UPF1: variants seen among roughly 807,000 people sequenced by gnomAD.
UPF1 encodes the protein regulator of nonsense transcripts 1.
In UPF1, 9 loss-of-function variants were observed where a neutral mutation model predicts 129.2. The observed-to-expected ratio is 0.07, with a 90% confidence interval of 0.04 to 0.12. The LOEUF is 0.12. Among genes scored for constraint, UPF1 ranks in the 10% least tolerant of loss-of-function variants. The probability of loss-of-function intolerance (pLI) is 1.00; values close to 1 mark genes in which losing one functional copy is unlikely to be tolerated. For synonymous variants in UPF1, 649 were observed against 644.9 expected (o/e 1.01, Z -0.10); for missense variants, 788 against 1,525.3 (o/e 0.52, Z 8.05).
At chr19:18,859,971 C>T (rs11669119) in intron 15 of UPF1, 6,455 of 215,638 alleles carry the variant, frequency 0.03, 137 homozygotes, top group East Asian at 0.093. Flanking sequence ...GGGGCTGTGG[C>T]GCCTTTAAGG....
intron 3 of UPF1, chr19:18,849,065 G>A (rs1254354871): frequency 6.6e-6 from 1 of 152,394 alleles, no homozygotes; most frequent in East Asian, 1.9e-4. Context: ...TAGGGATCTT[G>A]GCTGTGACAG....
intron 20 of UPF1, among the ~76,000 whole-genome samples, chr19:18,864,487 TC>T (rs1335585871): frequency 6.6e-5 from 10 of 152,294 alleles, no homozygotes; most frequent in African/African-American, 2.2e-4. Context: ...GTTAGCTTTT[TC>T]TTGCCTTTTG....
At position 18,866,786 on chromosome 19, in the gene UPF1, G is replaced by C. The variant is rs1227776696; in HGVS notation, c.*269G>C. 6.6e-6 allele frequency: 1 copy of C among 152,598 alleles called. No individual in the cohort carries two copies. Among genetic ancestry groups the C allele is most frequent in the African/African-American group, 2.4e-5 (1 of 41,478 alleles). The allele number at this position is 152,598 out of a possible 1,614,324, so 9.5% of individuals were successfully genotyped here. On this transcript the variant is annotated 3_prime_UTR_variant, in exon 24 of 24. Coordinates refer to ENST00000262803, the MANE Select transcript of UPF1 (RefSeq NM_002911.4). ...AGGAGGCCCCGCTCCGTCCCATCGGGGCTGCGGCCAGGGCGGAGGGAGGAA... is the reference window on the plus strand; with the variant it reads ...AGGAGGCCCCGCTCCGTCCCATCGGCGCTGCGGCCAGGGCGGAGGGAGGAA...
At position 18,866,080 on chromosome 19, in the gene UPF1, G is replaced by A; in HGVS notation, c.3274G>A (p.Asp1092Asn). Reference sequence around the variant, plus strand: ...TGGTGACGAGTTTAAATCACAAATCGACGTGGCGCTCTCACAGGACTCCAC... The same window carrying A: ...TGGTGACGAGTTTAAATCACAAATCAACGTGGCGCTCTCACAGGACTCCAC... ...YLGDEFKSQIDVALSQDSTYQ... is the reference protein window; with the variant it reads ...YLGDEFKSQINVALSQDSTYQ... Residue 1092 changes from aspartate (D) to asparagine (N), a missense_variant, in exon 23 of 24, where the codon GAC becomes AAC. Transcript: ENST00000262803. The A allele has an allele frequency of 6.2e-7, 1 of 1,613,350 alleles. No homozygotes were observed. The highest frequency in any genetic ancestry group is 8.5e-7 in the Non-Finnish European group (1 of 1,179,856).
intron 2 of UPF1, among the ~76,000 whole-genome samples, chr19:18,846,346 G>T (rs527536945): frequency 6.6e-6 from 1 of 152,336 alleles, no homozygotes; most frequent in African/African-American, 2.4e-5. Context: ...TCACCAGCTG[G>T]TGGGAAAAGT....
intron 2 of UPF1, 82 bp from the exon 3 acceptor site, chr19:18,847,662 A>G (rs2145946653): frequency 1.5e-6 from 2 of 1,345,240 alleles, no homozygotes; most frequent in South Asian, 1.2e-5. Flanking sequence ...AAATGTTGTC[A>G]GAGGAAAGAA....
At chr19:18,862,178 G>T in intron 18 of UPF1, 26 bp downstream of exon 18, 1 of 1,608,980 alleles carries the variant, frequency 6.2e-7, no homozygotes, top group Non-Finnish European at 8.5e-7. Flanking sequence ...GCTGCATGCT[G>T]CCCAGCCGCT....
intron 1 of UPF1, among the ~76,000 whole-genome samples, chr19:18,840,605 G>A (rs1345308574): frequency 2.0e-5 from 3 of 152,200 alleles, no homozygotes; most frequent in Non-Finnish European, 2.9e-5. Flanking sequence ...TGTGCTCTGT[G>A]GCATTCAGGG....
At position 18,855,157 on chromosome 19, in the gene UPF1, C is replaced by G; in HGVS notation, c.1459C>G (p.Leu487Val). Residue 487 changes from leucine to valine, a missense_variant, in exon 11 of 24, where the codon CTG becomes GTG. Coordinates refer to ENST00000262803, the MANE Select transcript of UPF1 (RefSeq NM_002911.4). Reference sequence around the variant, plus strand: ...CGTGAAGACTGTGCTGCAAAGACCACTGAGCCTGATCCAGGGCCCGCCAGG... The same window carrying G: ...CGTGAAGACTGTGCTGCAAAGACCAGTGAGCCTGATCCAGGGCCCGCCAGG... Reference protein sequence around the residue: ...YAVKTVLQRPLSLIQGPPGTG... With the variant: ...YAVKTVLQRPVSLIQGPPGTG... 2 of 1,613,924 alleles carry G rather than the reference C, an allele frequency of 1.2e-6. No individual in the cohort carries two copies. The highest frequency in any genetic ancestry group is 1.7e-6 in the Non-Finnish European group (2 of 1,179,998).
Position 18,832,030 on chromosome 19 carries a change from C to A in UPF1, c.-180C>A. 2.4e-6 allele frequency: 1 copy of A among 419,182 alleles called. No homozygotes were observed. The highest frequency in any genetic ancestry group is 3.8e-6 in the Non-Finnish European group (1 of 260,180). The allele number at this position is 419,182 out of a possible 1,614,324, so 26.0% of individuals were successfully genotyped here. ...GAGGCGCGGAGGGGCTCGGCGGCAG[C>A]GGCGGCGGCTCGGCACTGTTACCTC... On this transcript the variant is annotated 5_prime_UTR_variant, in exon 1 of 24. Transcript: ENST00000262803. This position sits in a 1 kb window ranked among gnomAD's most constrained non-coding sequence, Gnocchi z 5.6.
rs780928893 is a variant in UPF1 at position 18,850,183 on chromosome 19, C to T, written c.570C>T (p.Asn190=). ...VLECYNCGCR[N]VFLLGFIPAK... is the part of the protein sequence containing the mutation. ...AGTGCTACAACTGCGGCTGTCGCAA[C>T]GTCTTCCTCCTCGGCTTCATCCCGG... is the stretch of plus-strand genomic sequence containing the variant. Residue 190 remains asparagine, a synonymous_variant, in exon 4 of 24, where the codon AAC becomes AAT. Transcript: ENST00000262803. This position sits in a 1 kb window ranked among gnomAD's most constrained non-coding sequence, Gnocchi z 7.1. 7 of 1,613,792 alleles carry T rather than the reference C, an allele frequency of 4.3e-6. No homozygotes were observed. In the Admixed American group the frequency reaches 5.0e-5, roughly 12 times the overall value.
intron 1 of UPF1, among the ~76,000 whole-genome samples, chr19:18,843,607 C>T (rs2055565389): frequency 6.7e-6 from 1 of 148,724 alleles, no homozygotes; most frequent in Non-Finnish European, 1.5e-5. Context: ...CAACCTCCGC[C>T]TCCTGGGTTC....
Position 18,855,700 on chromosome 19 carries a change from T to C in UPF1, c.1545-225T>C, listed in dbSNP as rs2055709513. 7 of 603,566 alleles carry C rather than the reference T, an allele frequency of 1.2e-5. No homozygotes were observed. In the South Asian group the frequency reaches 1.5e-4, roughly 13 times the overall value. 37.4% of individuals were successfully genotyped at this position (603,566 alleles called of 1,614,324 possible). A position where few individuals can be genotyped will look rare whatever the true frequency, so the allele number is the denominator to read the frequency against. ...CTCTACAAAAAAAAAATTCAGAAAT[T>C]AGCTGGGGGTAGTGGCGTGCACCTG... On this transcript the variant is annotated intron_variant, in intron 11 of 23. Transcript: ENST00000262803.
chr19:18,855,640 A>G (rs2055708895), intron 11 of UPF1: 11 of 508,734 alleles, frequency 2.2e-5, no homozygotes, highest in Non-Finnish European at 3.8e-5. Context: ...TAAAAATGTC[A>G]GGAGTTTAAG....
intron 9 of UPF1, 44 bp from the exon 10 acceptor site, chr19:18,854,835 C>A (rs547167197): frequency 6.2e-7 from 1 of 1,608,712 alleles, no homozygotes; most frequent in South Asian, 1.1e-5. Context: ...GTCGGAGAGG[C>A]GGCCACAGCT....
Position 18,832,012 on chromosome 19 carries a change from G to A in UPF1, c.-198G>A. The A allele has an allele frequency of 2.8e-6, 1 of 361,200 alleles. No homozygotes were observed. Among genetic ancestry groups the A allele is most frequent in the East Asian group, 4.8e-5 (1 of 20,648 alleles). The allele number at this position is 361,200 out of a possible 1,614,324, so 22.4% of individuals were successfully genotyped here. A position where few individuals can be genotyped will look rare whatever the true frequency, so the allele number is the denominator to read the frequency against. ...GCGGCTTCGAGGGGAGCTGAGGCGC[G>A]GAGGGGCTCGGCGGCAGCGGCGGCG... On this transcript the variant is annotated 5_prime_UTR_variant, in exon 1 of 24. Transcript: ENST00000262803. This position sits in a 1 kb window ranked among gnomAD's most constrained non-coding sequence, Gnocchi z 5.6.
At position 18,846,594 on chromosome 19, in the gene UPF1, G is replaced by A. The variant is rs568875238; in HGVS notation, c.371+475G>A. Among the ~76,000 whole-genome samples the A allele has an allele frequency of 2.0e-5, 3 of 152,252 alleles. No homozygotes were observed. The South Asian group carries it at 6.2e-4, about 32-fold the overall frequency. On this transcript the variant is annotated intron_variant, in intron 2 of 23. Transcript: ENST00000262803. ...CAGTAGTTAGTGGATAGACCTGCAT[G>A]TTGACAAATTTAGAATTCTCATCTC...
Position 18,860,418 on chromosome 19 carries a change from G to T in UPF1, c.2280G>T (p.Ser760=). The change falls in exon 16 of 24, where the codon TCG becomes TCT. Residue 760 remains serine, a synonymous_variant. Transcript: ENST00000262803. Reference sequence around the variant, plus strand: ...AGGGCCAAGAGGAGATTGCCAGCTCGGGCACCTCCTACCTGAACAGGTGAG... The same window carrying T: ...AGGGCCAAGAGGAGATTGCCAGCTCTGGCACCTCCTACCTGAACAGGTGAG... ...VTQGQEEIAS[S]GTSYLNRTEA... is the part of the protein sequence containing the mutation. 6.2e-7 allele frequency: 1 copy of T among 1,614,044 alleles called. No individual in the cohort carries two copies. Among genetic ancestry groups the T allele is most frequent in the Non-Finnish European group, 8.5e-7 (1 of 1,179,998 alleles).
In UPF1 at chr19:18,853,204, C is replaced by G. The variant is rs765708492; in HGVS notation, c.1058-48C>G. ...TAATTTGAACTCTCCCTGGTGGAAG[C>G]GACGGCGTGGGTTAAAATGGCCACC... On this transcript the variant is annotated intron_variant, in intron 7 of 23. Coordinates refer to ENST00000262803, the MANE Select transcript of UPF1 (RefSeq NM_002911.4). This position sits in a 1 kb window ranked among gnomAD's most constrained non-coding sequence, Gnocchi z 4.4. 4.4e-6 allele frequency: 7 copies of G among 1,597,184 alleles called. No homozygotes were observed. In the Admixed American group the frequency reaches 8.6e-5, roughly 20 times the overall value.
Sources: allele counts gnomAD v4.1 joint callset (sites outside exome capture counted in the v4.1 genomes callset), GRCh38; gene constraint gnomAD v4.1.1; non-coding constraint Gnocchi (gnomAD v3.1); transcripts MANE v1.5; gene names NCBI Gene and HGNC (gene_info 2026-07-23, HGNC 2026-07-21).